The following ST3GAL3 variants were observed in gnomAD, a reference collection of about 807,000 sequenced individuals.
The protein encoded by ST3GAL3 is ST3 beta-galactoside alpha-2,3-sialyltransferase 3.
ST3GAL3 carries 21 observed loss-of-function variants against 50.1 expected under a neutral mutation model. The ratio of observed to expected loss-of-function variants is 0.42; its 90% CI spans 0.30 to 0.60. The LOEUF is 0.60. Ranked by LOEUF, ST3GAL3 falls within the 20% of genes least tolerant of loss-of-function variation. The pLI is 0.19. For synonymous variants in ST3GAL3, 183 were observed against 190.0 expected (o/e 0.96, Z 0.30); for missense variants, 353 against 489.4 (o/e 0.72, Z 2.63).
chr1:43,794,179 G>C (rs1391057478), intron 3 of ST3GAL3, among the ~76,000 whole-genome samples: 1 of 151,526 alleles, frequency 6.6e-6, no homozygotes, highest in African/African-American at 2.4e-5. Flanking sequence ...ATCAACAAAA[G>C]GCTTGTTTCC....
At chr1:43,751,911 C>T (rs577602131) in intron 2 of ST3GAL3, among the ~76,000 whole-genome samples, 4 of 152,002 alleles carry the variant, frequency 2.6e-5, no homozygotes, top group Non-Finnish European at 2.9e-5. Context: ...CCTCCACCTC[C>T]GGGTTCAAGC....
intron 3 of ST3GAL3, among the ~76,000 whole-genome samples, chr1:43,792,436 A>G (rs994420686): frequency 3.9e-5 from 6 of 152,162 alleles, no homozygotes; most frequent in Non-Finnish European, 8.8e-5. Flanking sequence ...TTTTCTGTGC[A>G]TATATCCTGT....
chr1:43,772,294 C>T lies in ST3GAL3; in HGVS notation c.119-19808C>T, dbSNP rs534801269. 3.7e-5 allele frequency: 12 copies of T among 326,608 alleles called. No homozygotes were observed. The South Asian group carries it at 7.9e-4, about 21-fold the overall frequency. 20.2% of individuals were successfully genotyped at this position (326,608 alleles called of 1,614,324 possible). A position where few individuals can be genotyped will look rare whatever the true frequency, so the allele number is the denominator to read the frequency against. ...AATTCCTGACCTGAGGTGATCCGCC[C>T]GCCTCAGCCTCCCAAAGTGCTGGGA... On this transcript the variant is annotated intron_variant, in intron 2 of 11. Transcript: ENST00000347631.
chr1:43,853,986 A>G (rs1375868424), intron 5 of ST3GAL3, among the ~76,000 whole-genome samples: 2 of 152,152 alleles, frequency 1.3e-5, no homozygotes, highest in Admixed American at 6.5e-5. Context: ...GTATCCCCAC[A>G]TTACAAAGCC....
intron 2 of ST3GAL3, among the ~76,000 whole-genome samples, chr1:43,755,603 T>C (rs1312941627): frequency 1.3e-5 from 2 of 152,122 alleles, no homozygotes; most frequent in Non-Finnish European, 2.9e-5. Flanking sequence ...AGGCAAAAAG[T>C]AGGGTATTTA....
At position 43,920,409 on chromosome 1, in the gene ST3GAL3, A is replaced by G. The variant is rs1292818972; in HGVS notation, c.750A>G (p.Ala250=). 1.2e-6 allele frequency: 2 copies of G among 1,614,056 alleles called. No homozygotes were observed. Among genetic ancestry groups the G allele is most frequent in the Non-Finnish European group, 1.7e-6 (2 of 1,180,014 alleles). Residue 250 remains alanine, a synonymous_variant, in exon 10 of 12, where the codon GCA becomes GCG. Transcript: ENST00000347631. ...KYIVYKERVS[A]SDGFWKSVAT... ...CGCTTTTGCTGTGTCCACAGAGTGC[A>G]TCGGATGGCTTCTGGAAATCTGTGG...
chr1:43,918,204 C>T (rs892440434), intron 9 of ST3GAL3, among the ~76,000 whole-genome samples: 2 of 146,024 alleles, frequency 1.4e-5, no homozygotes, highest in Non-Finnish European at 3.0e-5. Flanking sequence ...CTGTAGCTGC[C>T]GCCTCCAGGG....
chr1:43,893,527 TC>T (rs138266336), intron 5 of ST3GAL3, among the ~76,000 whole-genome samples: 14,259 of 152,188 alleles, frequency 0.094, 887 homozygotes, highest in South Asian at 0.23. Flanking sequence ...TTCTCCCTCT[TC>T]CTCACTTCCC....
chr1:43,893,192 G>T (rs1424064305), intron 5 of ST3GAL3, among the ~76,000 whole-genome samples: 1 of 152,220 alleles, frequency 6.6e-6, no homozygotes, highest in Non-Finnish European at 1.5e-5. Context: ...TGTTAGTGAT[G>T]ATAGGGATGA....
chr1:43,850,327 A>G (rs2154212305), intron 5 of ST3GAL3: 2 of 590,574 alleles, frequency 3.4e-6, no homozygotes, highest in South Asian at 3.0e-5. Context: ...GGCAGAGGGA[A>G]GAGAGTGAAG....
chr1:43,899,013 G>A lies in ST3GAL3; in HGVS notation c.462-155G>A. 2 of 971,786 alleles carry A rather than the reference G, an allele frequency of 2.1e-6. No homozygotes were observed. The highest frequency in any genetic ancestry group is 3.1e-6 in the Non-Finnish European group (2 of 645,558). 60.2% of individuals were successfully genotyped at this position (971,786 alleles called of 1,614,324 possible). ...CCCAGCTACCCATTGTATGGTTCAG[G>A]CCTTCTCTCAGAAATGCTGCCAGAA... On this transcript the variant is annotated intron_variant, in intron 7 of 11. Coordinates refer to ENST00000347631, the MANE Select transcript of ST3GAL3 (RefSeq NM_006279.5). This position sits in a 1 kb window ranked among gnomAD's most constrained non-coding sequence, Gnocchi z 5.4.
chr1:43,708,218 A>G (rs1662528651), intron 1 of ST3GAL3: 1 of 152,206 alleles, frequency 6.6e-6, no homozygotes, highest in Non-Finnish European at 1.5e-5. Context: ...TTTTGCTTGC[A>G]AGAGAAAATA....
At chr1:43,779,998 C>T (rs912794681) in intron 2 of ST3GAL3, among the ~76,000 whole-genome samples, 6 of 152,136 alleles carry the variant, frequency 3.9e-5, no homozygotes, top group Admixed American at 6.5e-5. Context: ...TGTAGCTGCA[C>T]ATCTGTGGTC....
chr1:43,835,862 T>C (rs2064242213), intron 4 of ST3GAL3, among the ~76,000 whole-genome samples: 2 of 152,186 alleles, frequency 1.3e-5, no homozygotes, highest in East Asian at 3.8e-4. Flanking sequence ...AGACTCAAAA[T>C]GCCTTACTGC....
intron 3 of ST3GAL3, among the ~76,000 whole-genome samples, chr1:43,806,782 C>T (rs912387159): frequency 1.6e-4 from 25 of 152,310 alleles, no homozygotes; most frequent in African/African-American, 4.8e-4. Flanking sequence ...CTCGAATTTC[C>T]GGGCTCAGGT....
intron 4 of ST3GAL3, among the ~76,000 whole-genome samples, chr1:43,817,794 CCTT>C (rs2061578760): frequency 9.6e-6 from 1 of 104,566 alleles, no homozygotes; most frequent in East Asian, 3.2e-4. Context: ...TTCTCCTCCT[CCTT>C]CTCCTCCTCC....
intron 3 of ST3GAL3, among the ~76,000 whole-genome samples, chr1:43,811,915 C>G (rs2060607729): frequency 6.6e-6 from 1 of 152,154 alleles, no homozygotes; most frequent in African/African-American, 2.4e-5. Context: ...GTAGGGAAGG[C>G]CTTTAGAATT....
chr1:43,897,176 T>C (rs968491167), intron 6 of ST3GAL3, among the ~76,000 whole-genome samples: 10 of 152,074 alleles, frequency 6.6e-5, no homozygotes, highest in African/African-American at 2.4e-4. Flanking sequence ...GCATGTCTCC[T>C]GGAGCAAGTG....
At chr1:43,801,384 T>C (rs1312270263) in intron 3 of ST3GAL3, 4 of 456,264 alleles carry the variant, frequency 8.8e-6, no homozygotes, top group Non-Finnish European at 1.3e-5. Context: ...GCTCATCATG[T>C]ACAACCGTAT....
Sources: gnomAD v4.1 joint callset for allele counts (sites outside exome capture counted in the v4.1 genomes callset) on GRCh38, gnomAD v4.1.1 for gene constraint, Gnocchi (gnomAD v3.1) non-coding constraint, MANE v1.5 for transcripts, NCBI Gene and HGNC (gene_info 2026-07-23, HGNC 2026-07-21) for gene names.